The following LRRC49 variants were observed in gnomAD, a reference collection of about 807,000 sequenced individuals.
The protein encoded by LRRC49 is leucine-rich repeat-containing protein 49.
Under a neutral mutation model 83.3 loss-of-function variants are expected in LRRC49, and 50 were observed. The ratio of observed to expected loss-of-function variants is 0.60; its 90% CI spans 0.48 to 0.76. LRRC49 has a LOEUF of 0.76. Among genes scored for constraint, LRRC49 ranks in the 30% least tolerant of loss-of-function variants. The pLI is 0.00. For missense variants in LRRC49, 704 were observed against 809.1 expected (o/e 0.87, Z 1.58); for synonymous variants, 286 against 283.3 (o/e 1.01, Z -0.10).
chr15:70,963,915 G>C lies in LRRC49; in HGVS notation c.904G>C (p.Asp302His). 6.2e-7 allele frequency: 1 copy of C among 1,613,240 alleles called. No homozygotes were observed. Among genetic ancestry groups the C allele is most frequent in the Non-Finnish European group, 8.5e-7 (1 of 1,179,460 alleles). The change falls in exon 9 of 16, where the codon GAT becomes CAT. Residue 302 changes from aspartate (D) to histidine (H), a missense_variant. Coordinates refer to ENST00000260382, the MANE Select transcript of LRRC49 (RefSeq NM_017691.5). ...GAATATGATGCAGCTGCGCCAGCTAGATATGAAGAGAATCACGGTGAGAAC... is the reference window on the plus strand; with the variant it reads ...GAATATGATGCAGCTGCGCCAGCTACATATGAAGAGAATCACGGTGAGAAC... Reference protein sequence around the residue: ...LQNMMQLRQLDMKRITEEERR... With the variant: ...LQNMMQLRQLHMKRITEEERR...
rs557306913 is a variant in LRRC49, at chr15:70,929,207, A to G, written c.712-7554A>G. Among the ~76,000 whole-genome samples the G allele has an allele frequency of 2.0e-5, 3 of 152,290 alleles. No individual in the cohort carries two copies. In the East Asian group the frequency reaches 5.8e-4, roughly 29 times the overall value. ...AAATGCCCAGATGTCTTTATTTCTA[A>G]TGCAGGTATACCTTAGAGATACTGT... On this transcript the variant is annotated intron_variant, in intron 7 of 15. Transcript: ENST00000260382.
intron 2 of LRRC49, among the ~76,000 whole-genome samples, chr15:70,886,884 C>T (rs770315882): frequency 2.6e-5 from 4 of 151,198 alleles, no homozygotes; most frequent in South Asian, 2.1e-4. Context: ...AAAAAAAAAT[C>T]GATAAACCAT....
intron 11 of LRRC49, among the ~76,000 whole-genome samples, chr15:71,003,586 T>C (rs138155406): frequency 2.6e-5 from 4 of 152,314 alleles, no homozygotes; most frequent in African/African-American, 9.6e-5. Flanking sequence ...TTTTATTTAT[T>C]CTTGAATGTC....
intron 14 of LRRC49, among the ~76,000 whole-genome samples, chr15:71,020,392 T>C (rs1173072953): frequency 6.6e-6 from 1 of 152,174 alleles, no homozygotes; most frequent in Non-Finnish European, 1.5e-5. Flanking sequence ...ATGGAGAGCA[T>C]AGGGTAGAGT....
chr15:71,000,411 G>A (rs553516661), intron 11 of LRRC49, among the ~76,000 whole-genome samples: 3 of 152,122 alleles, frequency 2.0e-5, no homozygotes, highest in Non-Finnish European at 4.4e-5. Context: ...CAGTTGGTAG[G>A]ATTTAAAACT....
intron 1 of LRRC49, among the ~76,000 whole-genome samples, chr15:70,861,031 G>A (rs916435574): frequency 5.3e-5 from 8 of 152,174 alleles, no homozygotes; most frequent in African/African-American, 1.2e-4. Flanking sequence ...CAGCAAACAC[G>A]CTCTGGATTT....
chr15:70,917,110 C>T (rs537623203), intron 6 of LRRC49, among the ~76,000 whole-genome samples: 1 of 152,330 alleles, frequency 6.6e-6, no homozygotes, highest in Admixed American at 6.5e-5. Context: ...CACCTCAGCT[C>T]CCTCTGAACT....
At chr15:70,867,354 G>GC (rs976172447) in intron 1 of LRRC49, among the ~76,000 whole-genome samples, 43 of 152,264 alleles carry the variant, frequency 2.8e-4, no homozygotes, top group African/African-American at 9.9e-4. Flanking sequence ...TTTCTTCTGA[G>GC]CATCAACAGA....
At chr15:70,865,492 A>G (rs11072228) in intron 1 of LRRC49, among the ~76,000 whole-genome samples, 82,997 of 151,914 alleles carry the variant, frequency 0.55, 23,439 homozygotes, top group Admixed American at 0.69. Flanking sequence ...AAGAATGTTC[A>G]TTATGCTTCA....
intron 14 of LRRC49, among the ~76,000 whole-genome samples, chr15:71,022,381 A>AT (rs2039021777): frequency 6.6e-6 from 1 of 152,186 alleles, no homozygotes; most frequent in Non-Finnish European, 1.5e-5. Context: ...TCCAAAAAAA[A>AT]CCAAAAAAAT....
intron 11 of LRRC49, among the ~76,000 whole-genome samples, chr15:71,007,709 G>GTGTATATATATATATATATATATATATA (rs964626080): frequency 1.5e-5 from 2 of 137,706 alleles, no homozygotes; most frequent in African/African-American, 5.5e-5. Flanking sequence ...TGAGAAGCAT[G>GTGTATATATATATATATATATATATATA]TATATATATA....
chr15:70,935,122 G>T (rs1363943209), intron 7 of LRRC49, among the ~76,000 whole-genome samples: 1 of 152,150 alleles, frequency 6.6e-6, no homozygotes, highest in Non-Finnish European at 1.5e-5. Flanking sequence ...AGGGAAATTT[G>T]GCTGCCCTCC....
intron 8 of LRRC49, among the ~76,000 whole-genome samples, chr15:70,956,217 T>C (rs2036395131): frequency 6.6e-6 from 1 of 152,234 alleles, no homozygotes; most frequent in African/African-American, 2.4e-5. Context: ...TATTTCTTTC[T>C]CTGTATTTTA....
At chr15:70,900,727 G>T in intron 3 of LRRC49, 195 bp from the exon 4 acceptor site, 1 of 541,836 alleles carries the variant, frequency 1.8e-6, no homozygotes, top group Non-Finnish European at 3.3e-6. Context: ...GGCATACATG[G>T]AACACATAGT....
At chr15:71,011,806 A>T (rs917250195) in intron 13 of LRRC49, among the ~76,000 whole-genome samples, 2 of 152,172 alleles carry the variant, frequency 1.3e-5, no homozygotes, top group Admixed American at 6.5e-5. Context: ...GCACTGATTC[A>T]TAGGTATGTT....
chr15:70,945,904 C>T (rs372818613), intron 8 of LRRC49, among the ~76,000 whole-genome samples: 1 of 152,204 alleles, frequency 6.6e-6, no homozygotes, highest in African/African-American at 2.4e-5. Flanking sequence ...TAGTTTAGAA[C>T]TGTCAACTAG....
At chr15:70,872,401 G>A (rs920647109) in intron 1 of LRRC49, among the ~76,000 whole-genome samples, 1 of 150,872 alleles carries the variant, frequency 6.6e-6, no homozygotes, top group African/African-American at 2.4e-5. Flanking sequence ...GGGAGACGGA[G>A]ACGTAGGGGA....
At chr15:70,981,823 C>T (rs2037410199) in intron 10 of LRRC49, among the ~76,000 whole-genome samples, 1 of 151,648 alleles carries the variant, frequency 6.6e-6, no homozygotes, top group Admixed American at 6.6e-5. Context: ...GATCTTTACA[C>T]TTTACTTTGG....
At chr15:70,887,811 C>A (rs2033450920), upstream of LRRC49, among the ~76,000 whole-genome samples, 2 of 152,040 alleles carry the variant, frequency 1.3e-5, no homozygotes, top group Non-Finnish European at 2.9e-5. Context: ...TATTTTTGTA[C>A]ATGTATAAAA....
Sources: gnomAD v4.1 joint callset for allele counts (sites outside exome capture counted in the v4.1 genomes callset) on GRCh38, gnomAD v4.1.1 for gene constraint, MANE v1.5 for transcripts, NCBI Gene and HGNC (gene_info 2026-07-23, HGNC 2026-07-21) for gene names.